The following PPP1R16A variants were observed in gnomAD, a reference collection of about 807,000 sequenced individuals.
PPP1R16A encodes protein phosphatase 1 regulatory subunit 16A.
Under a neutral mutation model 46.6 loss-of-function variants are expected in PPP1R16A, and 39 were observed. The observed-to-expected ratio is 0.84, with a 90% confidence interval of 0.65 to 1.09. PPP1R16A has a LOEUF of 1.09. PPP1R16A is among the 50% of genes least tolerant of loss of function. PPP1R16A has a pLI of 0.00. For missense variants in PPP1R16A, 798 were observed against 735.6 expected, an observed-to-expected ratio of 1.08 and a Z score of -0.98; for synonymous variants, 413 against 321.5, an observed-to-expected ratio of 1.28 and a Z score of -3.04.
At chr8:144,490,488 A>G (rs963321114) in intron 2 of PPP1R16A, among the ~76,000 whole-genome samples, 1 of 149,488 alleles carries the variant, frequency 6.7e-6, no homozygotes, top group Non-Finnish European at 1.5e-5. Flanking sequence ...CCTGGGTGAC[A>G]GAGCGAGACC....
chr8:144,490,243 A>G (rs1825761480), intron 2 of PPP1R16A, 31 bp downstream of exon 2: 1 of 152,420 alleles, frequency 6.6e-6, no homozygotes, highest in South Asian at 2.1e-4. Context: ...GCGATGGCTC[A>G]CGCCTGTAAT....
intron 5 of PPP1R16A, 152 bp downstream of exon 5, chr8:144,499,213 G>A: frequency 9.8e-7 from 1 of 1,019,664 alleles, no homozygotes; most frequent in Non-Finnish European, 1.4e-6. Context: ...TGGAGAGCAG[G>A]GCCTGGGGCT....
chr8:144,489,060 C>T (rs761461595), intron 1 of PPP1R16A, among the ~76,000 whole-genome samples: 12 of 150,718 alleles, frequency 8.0e-5, no homozygotes, highest in Non-Finnish European at 1.2e-4. Flanking sequence ...AAATATTAGC[C>T]GGGTGTTGTG....
intron 1 of PPP1R16A, among the ~76,000 whole-genome samples, chr8:144,484,840 G>A (rs1006365063): frequency 6.6e-6 from 1 of 152,222 alleles, no homozygotes; most frequent in African/African-American, 2.4e-5. Context: ...CCCTCACAGG[G>A]CTTTAGCCAG....
chr8:144,486,361 C>G (rs1208435358), intron 1 of PPP1R16A, among the ~76,000 whole-genome samples: 1 of 152,170 alleles, frequency 6.6e-6, no homozygotes, highest in African/African-American at 2.4e-5. Context: ...GCCACCACGC[C>G]TGACTTAAAT....
Position 144,500,159 on chromosome 8 carries a change from G to A in PPP1R16A, c.540G>A (p.Glu180=), listed in dbSNP as rs202055214. 1.3e-4 allele frequency: 203 copies of A among 1,611,990 alleles called. 1 individual carries two copies. The East Asian group carries it at 4.1e-3, about 32-fold the overall frequency. Residue 180 remains glutamate, a synonymous_variant, in exon 6 of 12, where the codon GAG becomes GAA. Coordinates refer to ENST00000435887, the MANE Select transcript of PPP1R16A (RefSeq NM_001329443.2). ...TGCCCTATGACCTGTGTGATGATGA[G>A]CAGACGCTGGACTGCCTGGAGACTG... The part of the protein sequence containing the change: ...GNMPYDLCDD[E]QTLDCLETAM...
chr8:144,501,401 C>T (rs1826459536), intron 11 of PPP1R16A, 107 bp downstream of exon 11: 2 of 1,479,982 alleles, frequency 1.4e-6, no homozygotes, highest in Admixed American at 2.2e-5. Context: ...TGGTGCCCTG[C>T]AGGGGCCAGC....
intron 5 of PPP1R16A, 69 bp downstream of exon 5, chr8:144,499,130 T>C (rs1208794519): frequency 2.0e-6 from 3 of 1,504,474 alleles, no homozygotes; most frequent in Non-Finnish European, 1.8e-6. Context: ...AGGCTCCTCT[T>C]GGGCAGTATC....
chr8:144,500,664 A>T (rs753819541), intron 8 of PPP1R16A, 22 bp from the exon 9 acceptor site: 2 of 1,607,714 alleles, frequency 1.2e-6, no homozygotes, highest in African/African-American at 2.7e-5. Flanking sequence ...AGCAGTCTGC[A>T]GCTCCGGCCT....
intron 1 of PPP1R16A, among the ~76,000 whole-genome samples, chr8:144,483,559 G>A (rs1825523934): frequency 6.6e-6 from 1 of 152,126 alleles, no homozygotes; most frequent in Non-Finnish European, 1.5e-5. Context: ...ACAGGTGCAT[G>A]CCGCCACGAC....
In PPP1R16A at chr8:144,502,044, G is replaced by A. The variant is rs1266062683; in HGVS notation, c.*141G>A. Reference sequence around the variant, plus strand: ...GACACTGGCCCCTCTCAGGTCAGAAGACATGCCTGGAGGGATGTCTGGCTG... The same window carrying A: ...GACACTGGCCCCTCTCAGGTCAGAAAACATGCCTGGAGGGATGTCTGGCTG... On this transcript the variant is annotated 3_prime_UTR_variant, in exon 12 of 12. Transcript: ENST00000435887. The A allele has an allele frequency of 5.0e-6, 4 of 804,844 alleles. No individual in the cohort carries two copies. Among genetic ancestry groups the A allele is most frequent in the African/African-American group, 1.7e-5 (1 of 57,302 alleles). The allele number at this position is 804,844 out of a possible 1,614,324, so 49.9% of individuals were successfully genotyped here.
At chr8:144,501,335 C>T in intron 11 of PPP1R16A, 41 bp downstream of exon 11, 2 of 1,534,814 alleles carry the variant, frequency 1.3e-6, no homozygotes, top group South Asian at 1.2e-5. Context: ...CAGGGGTGGG[C>T]CTGGCTCTGC....
chr8:144,500,476 C>T lies in PPP1R16A; in HGVS notation c.706-11C>T, dbSNP rs764852964. On this transcript the variant is annotated splice_polypyrimidine_tract_variant and intron_variant, in intron 7 of 11. Coordinates refer to ENST00000435887, the MANE Select transcript of PPP1R16A (RefSeq NM_001329443.2). ...GATGGGGCCGAATTCAGGCCGGGCG[C>T]TTGCCTGCAGCTGCACGTCGCAGCC... The T allele has an allele frequency of 1.5e-5, 23 of 1,571,932 alleles. No individual in the cohort carries two copies. The South Asian group carries it at 2.5e-4, about 17-fold the overall frequency.
chr8:144,488,560 T>C (rs373214501), intron 1 of PPP1R16A, among the ~76,000 whole-genome samples: 3 of 152,244 alleles, frequency 2.0e-5, no homozygotes, highest in East Asian at 3.9e-4. Context: ...CTGGTGGTGA[T>C]GGAGCACAGC....
chr8:144,483,553 G>A (rs567586693), intron 1 of PPP1R16A, among the ~76,000 whole-genome samples: 92 of 152,154 alleles, frequency 6.0e-4, no homozygotes, highest in African/African-American at 2.2e-3. Context: ...GAGACTACAG[G>A]TGCATGCCGC....
At position 144,501,803 on chromosome 8, in the gene PPP1R16A, A is replaced by C; in HGVS notation, c.1487A>C (p.Asp496Ala). 6.4e-7 allele frequency: 1 copy of C among 1,556,392 alleles called. No homozygotes were observed. Among genetic ancestry groups the C allele is most frequent in the Non-Finnish European group, 8.7e-7 (1 of 1,151,180 alleles). Reference protein sequence around the residue: ...LPGDTVTPQPDCGFRAGGDPP... With the variant: ...LPGDTVTPQPACGFRAGGDPP... ...GGTGACACGGTGACCCCCCAGCCTG[A>C]CTGTGGCTTCAGGGCAGGCGGGGAC... is the stretch of plus-strand genomic sequence containing the variant. The change falls in exon 12 of 12, where the codon GAC (aspartate) becomes GCC (alanine). Residue 496 changes from aspartate (D) to alanine (A), a missense_variant. Physicochemically the swap from Asp to Ala is moderately radical, Grantham distance 126 (BLOSUM62 -2). Transcript: ENST00000435887.
chr8:144,487,666 G>C (rs1243062629), intron 1 of PPP1R16A, among the ~76,000 whole-genome samples: 1 of 152,210 alleles, frequency 6.6e-6, no homozygotes, highest in African/African-American at 2.4e-5. Context: ...TGCCTCATCT[G>C]GCAATTTTCT....
chr8:144,480,755 A>C (rs1825378776), intron 1 of PPP1R16A, among the ~76,000 whole-genome samples: 1 of 152,170 alleles, frequency 6.6e-6, no homozygotes, highest in African/African-American at 2.4e-5. Flanking sequence ...AAGTGCGGGG[A>C]TTACAGGCGT....
chr8:144,500,833 A>T lies in PPP1R16A; in HGVS notation c.908-9A>T. ...GAGGGCGCCCCTGACGCCTGCGCCC[A>T]CTTCTCAGATGTGTGCGGGGACGAG... is the stretch of plus-strand genomic sequence containing the variant. On this transcript the variant is annotated splice_polypyrimidine_tract_variant and intron_variant, in intron 9 of 11. Transcript: ENST00000435887. 2.5e-6 allele frequency: 4 copies of T among 1,579,406 alleles called. No individual in the cohort carries two copies. The highest frequency in any genetic ancestry group is 1.7e-6 in the Non-Finnish European group (2 of 1,162,412).
Sources: allele counts gnomAD v4.1 joint callset (sites outside exome capture counted in the v4.1 genomes callset), GRCh38; gene constraint gnomAD v4.1.1; transcripts MANE v1.5; gene names NCBI Gene and HGNC (gene_info 2026-07-23, HGNC 2026-07-21).